The following CFTR variants were observed in gnomAD, a reference collection of about 807,000 sequenced individuals.
The protein encoded by CFTR is cystic fibrosis transmembrane conductance regulator.
In CFTR, 181 loss-of-function variants were observed where a neutral mutation model predicts 171.6. The ratio of observed to expected loss-of-function variants is 1.05; its 90% confidence interval spans 0.93 to 1.19. The LOEUF (loss-of-function observed/expected upper bound fraction) is 1.19. CFTR is among the 50% of genes most tolerant of loss of function. CFTR has a pLI of 0.00. For synonymous variants in CFTR, 583 were observed against 608.0 expected, an observed-to-expected ratio of 0.96 and a Z score of 0.60; for missense variants, 1,968 against 1,734.7, an observed-to-expected ratio of 1.13 and a Z score of -2.39.
At chr7:117,630,327 GGA>G (rs1792722377) in intron 22 of CFTR, among the ~76,000 whole-genome samples, 1 of 152,106 alleles carries the variant, frequency 6.6e-6, no homozygotes, top group African/African-American at 2.4e-5. Flanking sequence ...ATCAGTTGGC[GGA>G]GAGTTAGGCT....
Position 117,513,437 on chromosome 7 carries a change from G to GAAA in CFTR, c.273+4307_273+4309dup, listed in dbSNP as rs11393719. On this transcript the variant is annotated intron_variant, in intron 3 of 26. Transcript: ENST00000003084. Reference sequence around the variant, plus strand: ...TTCTCAGTTAATCTCTCCTAGATTTGAAAAAAAAAAAAAAGGTCTAGAAAG... The same window carrying GAAA: ...TTCTCAGTTAATCTCTCCTAGATTTGAAAAAAAAAAAAAAAAAGGTCTAGAAAG... Among the ~76,000 whole-genome samples, 15 of 135,588 alleles carry GAAA rather than the reference G, an allele frequency of 1.1e-4. No homozygotes were observed. In the East Asian group the frequency reaches 2.8e-3, roughly 26 times the overall value. 89.0% of individuals were successfully genotyped at this position (135,588 alleles called of 152,430 possible).
In CFTR at chr7:117,666,889, C is replaced by G. The variant is rs2116226004; in HGVS notation, c.4243-19C>G. ...GACCTGCCTTCTGTCCCAGATCTCA[C>G]TAACAGCCATTTCCCTAGGTCATAG... is the stretch of plus-strand genomic sequence containing the variant. On this transcript the variant is annotated intron_variant, in intron 26 of 26. Transcript: ENST00000003084. 1 of 1,612,816 alleles carries G rather than the reference C, an allele frequency of 6.2e-7. No individual in the cohort carries two copies. The highest frequency in any genetic ancestry group is 8.5e-7 in the Non-Finnish European group (1 of 1,178,870).
intron 23 of CFTR, among the ~76,000 whole-genome samples, chr7:117,652,187 A>G (rs1793098766): frequency 6.6e-6 from 1 of 152,166 alleles, no homozygotes; most frequent in Non-Finnish European, 1.5e-5. Flanking sequence ...TGCTCCATGC[A>G]GGGAATTAGA....
At chr7:117,489,343 A>G (rs1798120966) in intron 1 of CFTR, among the ~76,000 whole-genome samples, 1 of 152,128 alleles carries the variant, frequency 6.6e-6, no homozygotes, top group South Asian at 2.1e-4. Context: ...GATTGCATGA[A>G]TAAGTATGTA....
intron 3 of CFTR, among the ~76,000 whole-genome samples, chr7:117,515,050 G>C (rs946168508): frequency 6.6e-6 from 1 of 151,968 alleles, no homozygotes; most frequent in Non-Finnish European, 1.5e-5. Context: ...CTGGAAATTA[G>C]ATCTTTGTCA....
intron 25 of CFTR, 147 bp from the exon 26 acceptor site, chr7:117,665,312 T>C (rs937602520): frequency 1.6e-6 from 1 of 615,276 alleles, no homozygotes; most frequent in African/African-American, 1.9e-5. Context: ...AAGCTGATTG[T>C]GGCTAACGCT....
At chr7:117,520,844 A>G (rs965564778) in intron 3 of CFTR, among the ~76,000 whole-genome samples, 2 of 151,968 alleles carry the variant, frequency 1.3e-5, no homozygotes, top group Non-Finnish European at 2.9e-5. Context: ...GATTGTTGCA[A>G]AAATTGAGAC....
intron 22 of CFTR, among the ~76,000 whole-genome samples, chr7:117,629,929 A>G (rs1217322066): frequency 1.3e-5 from 2 of 152,210 alleles, no homozygotes; most frequent in Non-Finnish European, 2.9e-5. Flanking sequence ...CTGAGGTTCA[A>G]TTAAGTGAGT....
At chr7:117,516,062 AC>A (rs1798591806) in intron 3 of CFTR, among the ~76,000 whole-genome samples, 1 of 152,196 alleles carries the variant, frequency 6.6e-6, no homozygotes, top group South Asian at 2.1e-4. Flanking sequence ...TGCAACTTAG[AC>A]TGGATATGAG....
intron 3 of CFTR, among the ~76,000 whole-genome samples, chr7:117,510,310 T>C (rs1798494320): frequency 6.6e-6 from 1 of 152,182 alleles, no homozygotes; most frequent in Non-Finnish European, 1.5e-5. Flanking sequence ...TGAGAAACAA[T>C]TTTATTCACA....
chr7:117,617,118 A>G (rs1301633266), intron 21 of CFTR, among the ~76,000 whole-genome samples: 1 of 152,182 alleles, frequency 6.6e-6, no homozygotes, highest in African/African-American at 2.4e-5. Flanking sequence ...TGAGTTTACA[A>G]TGGAGTAAAC....
chr7:117,537,528 A>G (rs1031227508), intron 7 of CFTR, among the ~76,000 whole-genome samples: 11 of 152,182 alleles, frequency 7.2e-5, no homozygotes, highest in African/African-American at 2.7e-4. Flanking sequence ...AGGGAAAAAT[A>G]TACTAAAAAG....
At chr7:117,582,624 T>A (rs1422488320) in intron 11 of CFTR, among the ~76,000 whole-genome samples, 1 of 152,056 alleles carries the variant, frequency 6.6e-6, no homozygotes, top group Admixed American at 6.5e-5. Context: ...ATGCATACCA[T>A]GGCTTACTGA....
chr7:117,488,655 A>G (rs1360868522), intron 1 of CFTR, among the ~76,000 whole-genome samples: 1 of 152,090 alleles, frequency 6.6e-6, no homozygotes, highest in African/African-American at 2.4e-5. Context: ...TTTCAAATAA[A>G]ATTTTCCATG....
chr7:117,534,203 A>G, intron 4 of CFTR, 73 bp from the exon 5 acceptor site: 1 of 726,888 alleles, frequency 1.4e-6, no homozygotes, highest in Non-Finnish European at 2.4e-6. Flanking sequence ...TGAATTAGTC[A>G]TATTATAATT....
chr7:117,644,306 GA>G, intron 23 of CFTR, among the ~76,000 whole-genome samples: 1 of 152,098 alleles, frequency 6.6e-6, no homozygotes, highest in East Asian at 1.9e-4. Context: ...AAGAGCAAAA[GA>G]GGGCAAACTT....
chr7:117,657,343 C>G (rs1793198918), intron 24 of CFTR, among the ~76,000 whole-genome samples: 1 of 152,120 alleles, frequency 6.6e-6, no homozygotes, highest in African/African-American at 2.4e-5. Context: ...TTACCATTCA[C>G]AAAGATGATG....
At chr7:117,524,255 T>C (rs1798735234) in intron 3 of CFTR, among the ~76,000 whole-genome samples, 1 of 152,192 alleles carries the variant, frequency 6.6e-6, no homozygotes, top group African/African-American at 2.4e-5. Context: ...TTGTCTGGTA[T>C]GCATGGTAAA....
intron 3 of CFTR, among the ~76,000 whole-genome samples, chr7:117,515,126 T>G (rs1032158029): frequency 1.3e-5 from 2 of 152,206 alleles, no homozygotes; most frequent in Non-Finnish European, 2.9e-5. Flanking sequence ...TGATAGGTTC[T>G]TTTGCTGTGC....
Sources: allele counts gnomAD v4.1 joint callset (sites outside exome capture counted in the v4.1 genomes callset), GRCh38; gene constraint gnomAD v4.1.1; transcripts MANE v1.5; gene names NCBI Gene and HGNC (gene_info 2026-07-23, HGNC 2026-07-21).